Variants in DYRK1A observed in about 807,000 individuals in gnomAD.
DYRK1A encodes the protein dual specificity tyrosine phosphorylation regulated kinase 1A.
In DYRK1A, 9 loss-of-function variants were observed where a neutral mutation model predicts 79.7. The observed-to-expected ratio is 0.11, with a 90% confidence interval of 0.07 to 0.20. The LOEUF is 0.20. Ranked by LOEUF, DYRK1A falls within the 10% of genes least tolerant of loss-of-function variation. The probability of loss-of-function intolerance (pLI) is 1.00; values close to 1 mark genes in which losing one functional copy is unlikely to be tolerated. For synonymous variants in DYRK1A, 349 were observed against 329.7 expected (o/e 1.06, Z -0.63); for missense variants, 622 against 956.0 (o/e 0.65, Z 4.61).
intron 2 of DYRK1A, 103 bp downstream of exon 2, chr21:37,420,487 G>A (rs2050446203): frequency 1.0e-6 from 1 of 995,240 alleles, no homozygotes; most frequent in African/African-American, 1.6e-5. Flanking sequence ...CAGTTAGTGG[G>A]GGGAATTGTA....
intron 2 of DYRK1A, among the ~76,000 whole-genome samples, chr21:37,457,248 C>CT (rs1038556948): frequency 1.3e-5 from 2 of 151,648 alleles, no homozygotes; most frequent in African/African-American, 4.9e-5. Flanking sequence ...GTATCCCCCC[C>CT]GCAAGACAGA....
Position 37,486,509 on chromosome 21 carries a change from A to G in DYRK1A, c.532A>G (p.Ile178Val). 1 of 1,596,202 alleles carries G rather than the reference A, an allele frequency of 6.3e-7. No individual in the cohort carries two copies. The highest frequency in any genetic ancestry group is 8.5e-7 in the Non-Finnish European group (1 of 1,172,642). The change falls in exon 6 of 12, where the codon ATT becomes GTT. Residue 178 changes from isoleucine to valine, a missense_variant. Ile to Val is a conservative substitution (Grantham distance 29, BLOSUM62 3). Transcript: ENST00000647188. Reference protein sequence around the residue: ...YDRVEQEWVAIKIIKNKKAFL... With the variant: ...YDRVEQEWVAVKIIKNKKAFL... Reference sequence around the variant, plus strand: ...TCGTGTGGAGCAAGAATGGGTTGCCATTAAAATAATAAAGAACAAGAAGGC... The same window carrying G: ...TCGTGTGGAGCAAGAATGGGTTGCCGTTAAAATAATAAAGAACAAGAAGGC...
rs2053925496 is a variant in DYRK1A, at chr21:37,520,283, A to C, written c.*7752A>C. ...TTTTTAGCCTTCAGAGGTTTGATGT[A>C]GATAGGAAGAGATGAGGGTGACAGA... is the stretch of plus-strand genomic sequence containing the variant. On this transcript the variant is annotated 3_prime_UTR_variant, in exon 12 of 12. Coordinates refer to ENST00000647188, the MANE Select transcript of DYRK1A (RefSeq NM_001347721.2). 6.6e-6 allele frequency: 1 copy of C among 151,548 alleles called. No individual in the cohort carries two copies. The highest frequency in any genetic ancestry group is 2.4e-5 in the African/African-American group (1 of 40,868). 9.4% of individuals were successfully genotyped at this position (151,548 alleles called of 1,614,324 possible). A position where few individuals can be genotyped will look rare whatever the true frequency, so the allele number is the denominator to read the frequency against.
intron 2 of DYRK1A, among the ~76,000 whole-genome samples, chr21:37,471,109 C>A (rs1241108871): frequency 6.6e-6 from 1 of 152,164 alleles, no homozygotes; most frequent in Admixed American, 6.5e-5. Context: ...TTAGAAAGGT[C>A]ACTTTAGCCA....
chr21:37,431,183 C>G (rs982248012), intron 2 of DYRK1A, among the ~76,000 whole-genome samples: 8 of 152,110 alleles, frequency 5.3e-5, no homozygotes, highest in Non-Finnish European at 1.0e-4. Flanking sequence ...ATCCAGTGTT[C>G]TAGATTTTCT....
chr21:37,377,872 C>T (rs554358579), intron 1 of DYRK1A, among the ~76,000 whole-genome samples: 3 of 152,304 alleles, frequency 2.0e-5, no homozygotes, highest in Admixed American at 1.3e-4. Context: ...AATGCTGGTG[C>T]GTACTTCCTT....
At chr21:37,416,337 T>TTTTTTTA (rs964749412) in intron 1 of DYRK1A, among the ~76,000 whole-genome samples, 3 of 148,362 alleles carry the variant, frequency 2.0e-5, no homozygotes, top group South Asian at 2.1e-4. Context: ...TTTTTTTTTT[T>TTTTTTTA]AAAGACTGTG....
intron 1 of DYRK1A, among the ~76,000 whole-genome samples, chr21:37,369,859 A>T (rs1000951441): frequency 2.0e-5 from 3 of 152,272 alleles, no homozygotes; most frequent in Non-Finnish European, 4.4e-5. Flanking sequence ...GGAACCTATT[A>T]GAAACTTAAC....
In DYRK1A at chr21:37,526,207, A is replaced by G. The variant is rs2053966767; in HGVS notation, c.*13676A>G. ...TTAGGGACCTCAATGCAAACCCAAA[A>G]GAAATTTTTATATTTCAGAATCCAT... On this transcript the variant is annotated 3_prime_UTR_variant, in exon 12 of 12. Transcript: ENST00000647188. 1.3e-5 allele frequency: 2 copies of G among 152,234 alleles called. No individual in the cohort carries two copies. The highest frequency in any genetic ancestry group is 4.8e-5 in the African/African-American group (2 of 41,452). 9.4% of individuals were successfully genotyped at this position (152,234 alleles called of 1,614,324 possible). A position where few individuals can be genotyped will look rare whatever the true frequency, so the allele number is the denominator to read the frequency against.
chr21:37,404,954 AG>A (rs1454306339), intron 1 of DYRK1A, among the ~76,000 whole-genome samples: 19 of 152,198 alleles, frequency 1.2e-4, no homozygotes, highest in African/African-American at 4.6e-4. Flanking sequence ...GTTCAGTATA[AG>A]CAAGTATCCA....
intron 3 of DYRK1A, among the ~76,000 whole-genome samples, chr21:37,474,389 A>G (rs2052328069): frequency 2.0e-5 from 3 of 152,238 alleles, no homozygotes; most frequent in Non-Finnish European, 2.9e-5. Flanking sequence ...GATTTGTGTG[A>G]TGTAAAAAGA....
chr21:37,467,307 G>GCAC (rs1184196814), intron 2 of DYRK1A, among the ~76,000 whole-genome samples: 1 of 152,120 alleles, frequency 6.6e-6, no homozygotes, highest in African/African-American at 2.4e-5. Flanking sequence ...ATGGCTCACT[G>GCAC]CACCCTCCTC....
intron 2 of DYRK1A, among the ~76,000 whole-genome samples, chr21:37,470,202 AG>A (rs1319786645): frequency 6.6e-6 from 1 of 152,098 alleles, no homozygotes; most frequent in Non-Finnish European, 1.5e-5. Context: ...GTAACTTTTG[AG>A]GAAGAGGAAG....
chr21:37,400,277 C>CCCTTA (rs2050029242), intron 1 of DYRK1A, among the ~76,000 whole-genome samples: 1 of 152,118 alleles, frequency 6.6e-6, no homozygotes, highest in Non-Finnish European at 1.5e-5. Context: ...GAAGGATAAT[C>CCCTTA]CCCTCATCTC....
At chr21:37,482,877 G>A (rs2052704714) in intron 5 of DYRK1A, among the ~76,000 whole-genome samples, 1 of 152,202 alleles carries the variant, frequency 6.6e-6, no homozygotes, top group Non-Finnish European at 1.5e-5. Flanking sequence ...GCTTTTGAAA[G>A]AAGAGAAATA....
At chr21:37,411,118 G>A (rs1181810198) in intron 1 of DYRK1A, among the ~76,000 whole-genome samples, 1 of 148,910 alleles carries the variant, frequency 6.7e-6, no homozygotes, top group Non-Finnish European at 1.5e-5. Flanking sequence ...AGCATTTTGG[G>A]AGGCCGAGGT....
intron 1 of DYRK1A, among the ~76,000 whole-genome samples, chr21:37,404,703 T>C (rs993539936): frequency 1.3e-5 from 2 of 152,194 alleles, no homozygotes; most frequent in Non-Finnish European, 2.9e-5. Flanking sequence ...TACCATTTGT[T>C]GATTGTCAGA....
chr21:37,475,172 C>A (rs1367266746), intron 3 of DYRK1A, among the ~76,000 whole-genome samples: 2 of 152,186 alleles, frequency 1.3e-5, no homozygotes, highest in Non-Finnish European at 2.9e-5. Flanking sequence ...TGTACTGTTT[C>A]TAGCTCCTGG....
At chr21:37,411,212 C>T (rs2050237760) in intron 1 of DYRK1A, among the ~76,000 whole-genome samples, 1 of 151,702 alleles carries the variant, frequency 6.6e-6, no homozygotes. Flanking sequence ...AAAAATTAGC[C>T]AGGCGTGATG....
Sources: allele counts gnomAD v4.1 joint callset (sites outside exome capture counted in the v4.1 genomes callset), GRCh38; gene constraint gnomAD v4.1.1; transcripts MANE v1.5; gene names NCBI Gene and HGNC (gene_info 2026-07-23, HGNC 2026-07-21).